The following RAB35 variants were observed in gnomAD, a reference collection of about 807,000 sequenced individuals.
The protein encoded by RAB35 is ras-related protein Rab-35.
Under a neutral mutation model 28.9 loss-of-function variants are expected in RAB35, and 4 were observed. The ratio of observed to expected loss-of-function variants is 0.14; its 90% confidence interval spans 0.07 to 0.32. The LOEUF (loss-of-function observed/expected upper bound fraction) is 0.32, where lower values mean the gene tolerates loss of function less well. RAB35 is among the 10% of genes least tolerant of loss of function. The pLI, the probability that RAB35 is intolerant of heterozygous loss-of-function variation, is 1.00. For synonymous variants in RAB35, 99 were observed against 105.1 expected, an observed-to-expected ratio of 0.94 and a Z score of 0.35; for missense variants, 128 against 274.0, an observed-to-expected ratio of 0.47 and a Z score of 3.76.
At chr12:120,098,208 G>A (rs1038588573) in intron 5 of RAB35, among the ~76,000 whole-genome samples, 2 of 152,238 alleles carry the variant, frequency 1.3e-5, no homozygotes, top group African/African-American at 4.8e-5. Flanking sequence ...TGACATGACA[G>A]ATGAAAGTGC....
At chr12:120,104,300 C>T (rs905416412) in intron 2 of RAB35, among the ~76,000 whole-genome samples, 1 of 152,114 alleles carries the variant, frequency 6.6e-6, no homozygotes, top group Non-Finnish European at 1.5e-5. Context: ...GGTAGACCTA[C>T]GGGCACTCTG....
intron 2 of RAB35, 109 bp downstream of exon 2, chr12:120,108,308 T>G (rs1219728910): frequency 6.0e-6 from 7 of 1,158,518 alleles, no homozygotes; most frequent in Non-Finnish European, 8.9e-6. Flanking sequence ...GCAACCAGAA[T>G]GAGACAGTTC....
intron 5 of RAB35, 150 bp from the exon 6 acceptor site, chr12:120,097,523 G>T: frequency 1.6e-6 from 1 of 624,466 alleles, no homozygotes; most frequent in Admixed American, 3.2e-5. Context: ...CTAGAAGGAG[G>T]TGGTGAATTA....
At position 120,096,657 on chromosome 12, in the gene RAB35, G is replaced by A. The variant is rs1370563968; in HGVS notation, c.*588C>T. 2.3e-6 allele frequency: 3 copies of A among 1,289,760 alleles called. No individual in the cohort carries two copies. Among genetic ancestry groups the A allele is most frequent in the Non-Finnish European group, 3.0e-6 (3 of 988,892 alleles). The allele number at this position is 1,289,760 out of a possible 1,614,324, so 79.9% of individuals were successfully genotyped here. A position where few individuals can be genotyped will look rare whatever the true frequency, so the allele number is the denominator to read the frequency against. On this transcript the variant is annotated 3_prime_UTR_variant, in exon 6 of 6. Transcript: ENST00000229340. ...GTTCCCCAGCTCCCAGAATGGCTGT[G>A]GGGACAGGACAACGGGGAGGGAAGG... is the stretch of plus-strand genomic sequence containing the variant.
chr12:120,099,900 CTT>C (rs1290753931), intron 3 of RAB35, among the ~76,000 whole-genome samples: 2 of 152,232 alleles, frequency 1.3e-5, no homozygotes, highest in Non-Finnish European at 2.9e-5. Context: ...ACAGCCTCCG[CTT>C]CCCCGAGAGC....
intron 1 of RAB35, among the ~76,000 whole-genome samples, chr12:120,110,318 C>T (rs776963864): frequency 1.9e-3 from 76 of 39,582 alleles, no homozygotes; most frequent in Non-Finnish European, 2.8e-3. Flanking sequence ...GAGATAGGGC[C>T]TTACTCTGTC....
chr12:120,115,629 A>G (rs1876298087), intron 1 of RAB35, among the ~76,000 whole-genome samples: 1 of 152,210 alleles, frequency 6.6e-6, no homozygotes, highest in South Asian at 2.1e-4. Flanking sequence ...TTTTCGAAGG[A>G]CACTTAATAT....
intron 1 of RAB35, 198 bp from the exon 2 acceptor site, chr12:120,108,665 T>G: frequency 1.5e-6 from 1 of 689,436 alleles, no homozygotes; most frequent in Non-Finnish European, 2.7e-6. Flanking sequence ...CCTGACCTTT[T>G]CCTTCGTCCT....
chr12:120,111,180 C>T (rs1876103060), intron 1 of RAB35, among the ~76,000 whole-genome samples: 1 of 152,258 alleles, frequency 6.6e-6, no homozygotes, highest in Non-Finnish European at 1.5e-5. Flanking sequence ...GACAGCTCTG[C>T]TATCCAGCGC....
intron 3 of RAB35, among the ~76,000 whole-genome samples, chr12:120,100,406 G>T (rs963145150): frequency 1.3e-5 from 2 of 152,258 alleles, no homozygotes; most frequent in Non-Finnish European, 2.9e-5. Flanking sequence ...CTTAACTGGG[G>T]TGGTCATGAG....
In RAB35 at chr12:120,096,520, G is replaced by A. The variant is rs1327940712; in HGVS notation, c.*725C>T. The A allele has an allele frequency of 3.9e-6, 5 of 1,289,884 alleles. No homozygotes were observed. Among genetic ancestry groups the A allele is most frequent in the Non-Finnish European group, 5.1e-6 (5 of 988,884 alleles). 79.9% of individuals were successfully genotyped at this position (1,289,884 alleles called of 1,614,324 possible). A position where few individuals can be genotyped will look rare whatever the true frequency, so the allele number is the denominator to read the frequency against. On this transcript the variant is annotated 3_prime_UTR_variant, in exon 6 of 6. Coordinates refer to ENST00000229340, the MANE Select transcript of RAB35 (RefSeq NM_006861.7). ...CTGTTGGTGTAAATGAGAAGCCATG[G>A]CTGCCCTGGGTTTGGAGCTCAGAGG...
chr12:120,104,535 A>C (rs146603413), intron 2 of RAB35, among the ~76,000 whole-genome samples: 113 of 152,322 alleles, frequency 7.4e-4, no homozygotes, highest in African/African-American at 2.7e-3. Flanking sequence ...CACTTCCAAG[A>C]ACGTGGACTT....
intron 1 of RAB35, among the ~76,000 whole-genome samples, chr12:120,110,897 C>T (rs1876091059): frequency 6.6e-6 from 1 of 152,232 alleles, no homozygotes; most frequent in South Asian, 2.1e-4. Context: ...TCCTGCTGAG[C>T]TCAAGGAGAG....
intron 3 of RAB35, chr12:120,099,553 CT>C (rs1175638354): frequency 2.7e-5 from 6 of 221,646 alleles, no homozygotes; most frequent in Non-Finnish European, 4.5e-5. Flanking sequence ...AAAATATTTG[CT>C]CCTCAAACCT....
chr12:120,106,198 TG>T (rs1175118595), intron 2 of RAB35, among the ~76,000 whole-genome samples: 2 of 152,084 alleles, frequency 1.3e-5, no homozygotes, highest in African/African-American at 2.4e-5. Context: ...CAGATTGGGA[TG>T]GGGAGGGAGG....
At chr12:120,114,692 T>G (rs528210685) in intron 1 of RAB35, among the ~76,000 whole-genome samples, 1 of 152,206 alleles carries the variant, frequency 6.6e-6, no homozygotes, top group Non-Finnish European at 1.5e-5. Context: ...CTCGACCCAA[T>G]GAGTCTTCTC....
chr12:120,108,335 G>A, intron 2 of RAB35, 82 bp downstream of exon 2: 2 of 1,404,050 alleles, frequency 1.4e-6, no homozygotes, highest in Non-Finnish European at 2.0e-6. Context: ...TCAGGCAGAG[G>A]CAACTCTGTT....
At chr12:120,100,118 C>G (rs79234215) in intron 3 of RAB35, among the ~76,000 whole-genome samples, 3 of 152,242 alleles carry the variant, frequency 2.0e-5, no homozygotes, top group African/African-American at 7.2e-5. Context: ...CCTCCACCCC[C>G]ATGAGGTTCA....
Position 120,098,943 on chromosome 12 carries a change from C to T in RAB35, c.353-8G>A, listed in dbSNP as rs773903944. On this transcript the variant is annotated splice_region_variant and splice_polypyrimidine_tract_variant and intron_variant, in intron 4 of 5. Coordinates refer to ENST00000229340, the MANE Select transcript of RAB35 (RefSeq NM_006861.7). ...CGTCATTCTTATTACCCACTTCAAA[C>T]GAAGGCAGAGTCAGCGCAGCCCTGA... 20 of 1,614,082 alleles carry T rather than the reference C, an allele frequency of 1.2e-5. 1 individual carries two copies. The Middle Eastern group carries it at 4.9e-4, about 40-fold the overall frequency.
Sources: gnomAD v4.1 joint callset for allele counts (sites outside exome capture counted in the v4.1 genomes callset) on GRCh38, gnomAD v4.1.1 for gene constraint, MANE v1.5 for transcripts, NCBI Gene and HGNC (gene_info 2026-07-23, HGNC 2026-07-21) for gene names.